HECTD4: variants seen among roughly 807,000 people sequenced by gnomAD.
HECTD4 encodes the protein probable E3 ubiquitin-protein ligase HECTD4.
A neutral mutation model predicts 471.5 loss-of-function variants in HECTD4; 114 were observed. That is an observed-to-expected ratio of 0.24 (90% CI 0.21 to 0.28). The LOEUF (loss-of-function observed/expected upper bound fraction) is 0.28. HECTD4 is among the 10% of genes least tolerant of loss of function. HECTD4 has a pLI of 1.00. For missense variants in HECTD4, 3,866 were observed against 5,651.5 expected (o/e 0.68, Z 10.13); for synonymous variants, 2,012 against 2,256.0 (o/e 0.89, Z 3.07).
At chr12:112,279,142 G>A in intron 9 of HECTD4, 86 bp downstream of exon 9, 2 of 1,177,436 alleles carry the variant, frequency 1.7e-6, no homozygotes, top group Non-Finnish European at 2.4e-6. Context: ...ATTTAACAAA[G>A]TAAGTTTTAA....
rs1170512233 is a variant in HECTD4 at position 112,254,030 on chromosome 12, C to T, written c.3447+13G>A. 1.2e-6 allele frequency: 2 copies of T among 1,613,510 alleles called. No homozygotes were observed. The highest frequency in any genetic ancestry group is 1.7e-6 in the Non-Finnish European group (2 of 1,179,680). On this transcript the variant is annotated intron_variant, in intron 22 of 75. Transcript: ENST00000682272. ...TTTCTTTTCTAGGAAGCGATTATGA[C>T]TGAATACCATACCTTCACCAAGTCT...
At chr12:112,373,644 A>G (rs139677927) in intron 1 of HECTD4, among the ~76,000 whole-genome samples, 155 of 152,314 alleles carry the variant, frequency 1.0e-3, no homozygotes, top group African/African-American at 3.5e-3. Flanking sequence ...ATACCACTCA[A>G]TATGCTGGCG....
rs558032006 is a variant in HECTD4, at chr12:112,237,184, T to C, written c.5291-86A>G. The C allele has an allele frequency of 2.9e-5, 34 of 1,191,386 alleles. No individual in the cohort carries two copies. In the South Asian group the frequency reaches 5.2e-4, roughly 18 times the overall value. The allele number at this position is 1,191,386 out of a possible 1,614,324, so 73.8% of individuals were successfully genotyped here. ...CTGAGGGGGCGGCGAGCCCTGTCCA[T>C]TTATCTTGCTTAATGTTTCATGAAC... On this transcript the variant is annotated intron_variant, in intron 34 of 75. Transcript: ENST00000682272.
chr12:112,209,618 AC>A (rs2032704110), intron 50 of HECTD4, among the ~76,000 whole-genome samples: 2 of 152,172 alleles, frequency 1.3e-5, no homozygotes, highest in Admixed American at 1.3e-4. Flanking sequence ...GAGCCACCTC[AC>A]CTGACCATCA....
chr12:112,163,841 G>GC lies in HECTD4; in HGVS notation c.12702-105dup. ...GGTCCCGGATCCTCTCTTGGGAGAGGCCTGGGGCCCAGCCGCCCTGGTCAT... is the reference window on the plus strand; with the variant it reads ...GGTCCCGGATCCTCTCTTGGGAGAGGCCCTGGGGCCCAGCCGCCCTGGTCAT... On this transcript the variant is annotated intron_variant, in intron 73 of 75. Coordinates refer to ENST00000682272, the MANE Select transcript of HECTD4 (RefSeq NM_001388303.1). The surrounding 1 kb of genome is among the most constrained non-coding windows in gnomAD (Gnocchi z 8.2). 8.9e-7 allele frequency: 1 copy of GC among 1,117,948 alleles called. No individual in the cohort carries two copies. The allele number at this position is 1,117,948 out of a possible 1,614,324, so 69.3% of individuals were successfully genotyped here. A position where few individuals can be genotyped will look rare whatever the true frequency, so the allele number is the denominator to read the frequency against.
chr12:112,253,092 G>T (rs1279698060), intron 22 of HECTD4, among the ~76,000 whole-genome samples: 2 of 151,970 alleles, frequency 1.3e-5, no homozygotes, highest in Admixed American at 1.3e-4. Flanking sequence ...GGGATTACAG[G>T]CGTGAGCCAC....
intron 2 of HECTD4, among the ~76,000 whole-genome samples, chr12:112,314,761 A>G (rs2035445040): frequency 6.6e-6 from 1 of 152,244 alleles, no homozygotes; most frequent in Non-Finnish European, 1.5e-5. Flanking sequence ...CATGCCAATT[A>G]TGAAGAAGTT....
intron 7 of HECTD4, among the ~76,000 whole-genome samples, chr12:112,297,976 AC>A (rs2035077778): frequency 6.6e-6 from 1 of 152,164 alleles, no homozygotes; most frequent in Non-Finnish European, 1.5e-5. Context: ...TGGGGTGTCC[AC>A]AGCCAAAGTG....
chr12:112,250,875 G>A, intron 24 of HECTD4, 96 bp downstream of exon 24: 2 of 1,216,642 alleles, frequency 1.6e-6, no homozygotes, highest in Non-Finnish European at 2.3e-6. Context: ...CAGGCAGTAG[G>A]CACAATCACC....
intron 50 of HECTD4, 27 bp downstream of exon 50, chr12:112,209,988 G>A: frequency 6.5e-7 from 1 of 1,550,194 alleles, no homozygotes; most frequent in East Asian, 2.3e-5. Flanking sequence ...AAGCCATGGA[G>A]GCAGTAAGTT....
rs1230419992 is a variant in HECTD4 at position 112,163,637 on chromosome 12, A to C, written c.12802T>G (p.Ser4268Ala). ...CVTAVRAGLG[S>A]IIPLQLLTML... ...GTCAGCAGCTGCAGGGGGATGATGG[A>C]GCCCAGGCCGGCCCGCACGGCCGTC... Residue 4268 changes from serine to alanine, a missense_variant, in exon 74 of 76, where the codon TCC (serine) becomes GCC (alanine). By Grantham distance (99) the Ser-to-Ala change is moderately conservative (BLOSUM62 1). Coordinates refer to ENST00000682272, the MANE Select transcript of HECTD4 (RefSeq NM_001388303.1). This position sits in a 1 kb window ranked among gnomAD's most constrained non-coding sequence, Gnocchi z 8.2. 2 of 1,541,300 alleles carry C rather than the reference A, an allele frequency of 1.3e-6. No homozygotes were observed. The highest frequency in any genetic ancestry group is 1.7e-6 in the Non-Finnish European group (2 of 1,143,364).
At position 112,208,108 on chromosome 12, in the gene HECTD4, C is replaced by T; in HGVS notation, c.8005-108G>A. 7.8e-7 allele frequency: 1 copy of T among 1,287,900 alleles called. No individual in the cohort carries two copies. Among genetic ancestry groups the T allele is most frequent in the Non-Finnish European group, 1.1e-6 (1 of 945,970 alleles). 79.8% of individuals were successfully genotyped at this position (1,287,900 alleles called of 1,614,324 possible). ...TGAGGTCTTCACCCCACTTAAATGC[C>T]AGTAATAGAAAGATCAGACATAGAC... is the stretch of plus-strand genomic sequence containing the variant. On this transcript the variant is annotated intron_variant, in intron 51 of 75. Coordinates refer to ENST00000682272, the MANE Select transcript of HECTD4 (RefSeq NM_001388303.1).
chr12:112,178,875 G>T, intron 64 of HECTD4, 56 bp downstream of exon 64: 1 of 1,545,378 alleles, frequency 6.5e-7, no homozygotes. Context: ...CCTGCTCGGA[G>T]GCCTCCCCCA....
intron 29 of HECTD4, among the ~76,000 whole-genome samples, chr12:112,244,953 T>C (rs1285171894): frequency 5.3e-5 from 8 of 152,184 alleles, no homozygotes; most frequent in African/African-American, 1.7e-4. Flanking sequence ...AAAAAAGATG[T>C]TGAGAAAGTG....
chr12:112,324,694 C>A (rs570997434), intron 1 of HECTD4, among the ~76,000 whole-genome samples: 38 of 152,132 alleles, frequency 2.5e-4, no homozygotes, highest in Non-Finnish European at 5.0e-4. Flanking sequence ...CTATTACCCC[C>A]AAAAATCAGT....
intron 20 of HECTD4, chr12:112,258,245 T>TC (rs2034068444): frequency 3.4e-6 from 1 of 296,746 alleles, no homozygotes; most frequent in African/African-American, 2.2e-5. Flanking sequence ...ATATTTTACA[T>TC]CCCCACTATT....
In HECTD4 at chr12:112,173,331, C is replaced by A. The variant is rs928757067; in HGVS notation, c.11595-470G>T. Among the ~76,000 whole-genome samples, 9 of 151,908 alleles carry A rather than the reference C, an allele frequency of 5.9e-5. No homozygotes were observed. The highest frequency in any genetic ancestry group is 1.0e-4 in the Non-Finnish European group (7 of 67,948). On this transcript the variant is annotated intron_variant, in intron 66 of 75. Transcript: ENST00000682272. The surrounding 1 kb of genome is among the most constrained non-coding windows in gnomAD (Gnocchi z 4.3). ...TCAGCCTCCCCAGTAGCTGGGACCA[C>A]AAGTGCGAGCCACTTTGCTTGCCTA...
chr12:112,197,150 G>C (rs901932166), intron 55 of HECTD4, among the ~76,000 whole-genome samples: 3 of 152,052 alleles, frequency 2.0e-5, no homozygotes, highest in Non-Finnish European at 4.4e-5. Context: ...GGGCTCAAAT[G>C]ATCTTCCTTC....
Position 112,319,838 on chromosome 12 carries a change from C to T in HECTD4, c.178-96G>A, listed in dbSNP as rs1022469254. ...TTTAATGATATCCCAAAATAGTCAA[C>T]GCCAAAAATTATTTTAATTACAATC... On this transcript the variant is annotated intron_variant, in intron 1 of 75. Transcript: ENST00000682272. The surrounding 1 kb of genome is among the most constrained non-coding windows in gnomAD (Gnocchi z 5.3). The T allele has an allele frequency of 3.0e-5, 26 of 852,840 alleles. No homozygotes were observed. The highest frequency in any genetic ancestry group is 2.6e-4 in the African/African-American group (15 of 57,072). The allele number at this position is 852,840 out of a possible 1,614,324, so 52.8% of individuals were successfully genotyped here.
Sources: gnomAD v4.1 joint callset for allele counts (sites outside exome capture counted in the v4.1 genomes callset) on GRCh38, gnomAD v4.1.1 for gene constraint, Gnocchi (gnomAD v3.1) non-coding constraint, MANE v1.5 for transcripts, NCBI Gene and HGNC (gene_info 2026-07-23, HGNC 2026-07-21) for gene names.